ATL2: variants seen among roughly 807,000 people sequenced by gnomAD.
ATL2 encodes atlastin GTPase 2.
A neutral mutation model predicts 73.9 loss-of-function variants in ATL2; 31 were observed. The ratio of observed to expected loss-of-function variants is 0.42; its 90% confidence interval spans 0.32 to 0.57. The LOEUF (loss-of-function observed/expected upper bound fraction) is 0.57, where lower values mean the gene tolerates loss of function less well. ATL2 is among the 20% of genes least tolerant of loss of function. The pLI is 0.14. For missense variants in ATL2, 738 were observed against 702.6 expected, an observed-to-expected ratio of 1.05 and a Z score of -0.57; for synonymous variants, 291 against 237.5, an observed-to-expected ratio of 1.23 and a Z score of -2.07.
At chr2:38,361,570 C>G (rs1373999663) in intron 1 of ATL2, among the ~76,000 whole-genome samples, 2 of 152,186 alleles carry the variant, frequency 1.3e-5, no homozygotes, top group East Asian at 1.9e-4. Context: ...GTGAACCATT[C>G]AACTGCACAG....
At chr2:38,356,308 C>G (rs917853666) in intron 1 of ATL2, among the ~76,000 whole-genome samples, 1 of 151,946 alleles carries the variant, frequency 6.6e-6, no homozygotes, top group African/African-American at 2.4e-5. Context: ...ATTCTCCTCC[C>G]TCAGCCTCCC....
chr2:38,333,202 T>C (rs1573507244), intron 2 of ATL2, among the ~76,000 whole-genome samples: 1 of 151,920 alleles, frequency 6.6e-6, no homozygotes, highest in African/African-American at 2.4e-5. Context: ...TCAGGGTCGA[T>C]CACCTGAGCC....
chr2:38,327,910 T>C (rs376977205), intron 2 of ATL2, among the ~76,000 whole-genome samples: 1 of 152,178 alleles, frequency 6.6e-6, no homozygotes, highest in African/African-American at 2.4e-5. Flanking sequence ...CACTCCAGCC[T>C]GGGTGAGAGA....
At chr2:38,308,604 T>C (rs546049221) in intron 9 of ATL2, among the ~76,000 whole-genome samples, 8 of 152,176 alleles carry the variant, frequency 5.3e-5, no homozygotes, top group East Asian at 1.9e-4. Context: ...AAGAGTATAA[T>C]TGGATTGTCT....
intron 7 of ATL2, among the ~76,000 whole-genome samples, chr2:38,312,773 C>T (rs1667830243): frequency 6.6e-6 from 1 of 151,626 alleles, no homozygotes; most frequent in Non-Finnish European, 1.5e-5. Context: ...TGTAAGTTTC[C>T]TGAGGCCTCC....
chr2:38,341,120 C>T (rs1669690563), intron 2 of ATL2, among the ~76,000 whole-genome samples: 1 of 152,212 alleles, frequency 6.6e-6, no homozygotes, highest in Non-Finnish European at 1.5e-5. Flanking sequence ...CTTCCCTCCC[C>T]TTCTAACTTT....
At chr2:38,352,468 A>C (rs1409779093) in intron 1 of ATL2, among the ~76,000 whole-genome samples, 1 of 152,200 alleles carries the variant, frequency 6.6e-6, no homozygotes, top group East Asian at 1.9e-4. Flanking sequence ...GAACTAGAGC[A>C]CAAAGATCTG....
chr2:38,325,857 C>A (rs1283897842), intron 2 of ATL2, among the ~76,000 whole-genome samples: 1 of 149,998 alleles, frequency 6.7e-6, no homozygotes, highest in African/African-American at 2.5e-5. Context: ...CCAACTCCAG[C>A]CCCATCTAGG....
At chr2:38,325,096 G>A (rs957233500) in intron 2 of ATL2, among the ~76,000 whole-genome samples, 10 of 152,200 alleles carry the variant, frequency 6.6e-5, no homozygotes, top group Non-Finnish European at 1.3e-4. Context: ...CTAACAAAAC[G>A]GAAGGGGCAG....
intron 2 of ATL2, among the ~76,000 whole-genome samples, chr2:38,327,236 A>G (rs1271269545): frequency 6.6e-6 from 1 of 152,126 alleles, no homozygotes; most frequent in African/African-American, 2.4e-5. Flanking sequence ...TCAGAGAAGG[A>G]TAATAAGGTA....
chr2:38,338,414 C>T (rs1558427018), intron 2 of ATL2, among the ~76,000 whole-genome samples: 1 of 152,034 alleles, frequency 6.6e-6, no homozygotes. Context: ...GGAAACACAC[C>T]CTAGTAACAA....
intron 2 of ATL2, among the ~76,000 whole-genome samples, chr2:38,322,137 T>C (rs1424507114): frequency 2.0e-5 from 3 of 152,020 alleles, no homozygotes; most frequent in African/African-American, 4.8e-5. Context: ...CCTATCAAAG[T>C]GCCTTGCACT....
chr2:38,317,851 T>C (rs887429752), intron 4 of ATL2, among the ~76,000 whole-genome samples: 1 of 152,148 alleles, frequency 6.6e-6, no homozygotes, highest in Non-Finnish European at 1.5e-5. Context: ...AGACTGGTTG[T>C]TGGTTTATTG....
At chr2:38,296,748 T>C (rs1666917187) in intron 12 of ATL2, 3 of 1,551,274 alleles carry the variant, frequency 1.9e-6, no homozygotes, top group African/African-American at 1.4e-5. Context: ...ACAAGGTTTG[T>C]TGACACAGCA....
intron 2 of ATL2, among the ~76,000 whole-genome samples, chr2:38,334,885 A>T (rs865796200): frequency 0.025 from 792 of 31,800 alleles, 14 homozygotes; most frequent in African/African-American, 0.04. Flanking sequence ...ATATTATATA[A>T]TATATAATAT....
intron 1 of ATL2, among the ~76,000 whole-genome samples, chr2:38,347,473 CCACT>C (rs1670089578): frequency 6.6e-6 from 1 of 152,180 alleles, no homozygotes; most frequent in South Asian, 2.1e-4. Flanking sequence ...CCCTCCCTGA[CCACT>C]CAATCTAAAT....
intron 1 of ATL2, among the ~76,000 whole-genome samples, chr2:38,351,414 G>C (rs896552984): frequency 6.6e-6 from 1 of 151,832 alleles, no homozygotes; most frequent in Non-Finnish European, 1.5e-5. Context: ...TGGCCGAACA[G>C]TTATTTTAGC....
intron 1 of ATL2, among the ~76,000 whole-genome samples, chr2:38,366,871 T>A (rs1979084): frequency 0.12 from 18,693 of 152,156 alleles, 3,371 homozygotes; most frequent in African/African-American, 0.4. Flanking sequence ...GTCCTCTATT[T>A]GCCTGTCCCA....
At position 38,372,378 on chromosome 2, in the gene ATL2, G is replaced by A. The variant is rs1002337909; in HGVS notation, c.118+4765C>T. ...GATTTACATTGTATTAGGTATTATA[G>A]TGTAGAGATTCAAGTGTACGGGAGG... On this transcript the variant is annotated intron_variant, in intron 1 of 12. Transcript: ENST00000378954. Among the ~76,000 whole-genome samples the A allele has an allele frequency of 5.3e-5, 8 of 152,212 alleles. 1 individual carries two copies. In the South Asian group the frequency reaches 1.7e-3, roughly 32 times the overall value.
Sources: allele counts gnomAD v4.1 joint callset (sites outside exome capture counted in the v4.1 genomes callset), GRCh38; gene constraint gnomAD v4.1.1; transcripts MANE v1.5; gene names NCBI Gene and HGNC (gene_info 2026-07-23, HGNC 2026-07-21).